Variants in KCNJ3 observed in about 807,000 individuals in gnomAD.
KCNJ3 encodes the protein G protein-activated inward rectifier potassium channel 1.
Under a neutral mutation model 39.2 loss-of-function variants are expected in KCNJ3, and 4 were observed. That is an observed-to-expected ratio of 0.10 (90% CI 0.05 to 0.23). The LOEUF is 0.23. Among genes scored for constraint, KCNJ3 ranks in the 10% least tolerant of loss-of-function variants. The pLI is 1.00. For missense variants in KCNJ3, 276 were observed against 634.9 expected (o/e 0.43, Z 6.08); for synonymous variants, 230 against 237.4 (o/e 0.97, Z 0.29).
intron 2 of KCNJ3, among the ~76,000 whole-genome samples, chr2:154,804,411 T>A (rs1686874752): frequency 6.6e-6 from 1 of 152,160 alleles, no homozygotes; most frequent in Non-Finnish European, 1.5e-5. Context: ...AGTCTCAAAC[T>A]TTTCTATTTT....
chr2:154,842,520 G>T (rs553365922), intron 2 of KCNJ3, among the ~76,000 whole-genome samples: 1 of 152,284 alleles, frequency 6.6e-6, no homozygotes, highest in East Asian at 1.9e-4. Flanking sequence ...TAGTTGATCT[G>T]TCTAATGTTG....
At chr2:154,782,320 C>T (rs1432977812) in intron 2 of KCNJ3, among the ~76,000 whole-genome samples, 4 of 152,022 alleles carry the variant, frequency 2.6e-5, no homozygotes, top group Admixed American at 6.6e-5. Flanking sequence ...GCCTATTTCA[C>T]GGGGTGTTGA....
rs28877634 is a variant in KCNJ3, at chr2:154,769,260, G to A, written c.919+59441G>A. Among the ~76,000 whole-genome samples the A allele has an allele frequency of 7.0e-3, 1,058 of 151,996 alleles. 6 individuals carry two copies. Among genetic ancestry groups the A allele is most frequent in the Middle Eastern group, 0.017 (5 of 292 alleles). ...TGGTGAGAGAGGGCATCCCTGTCTT[G>A]TGCCAGTTGTCAAAGGGAATGCTTC... On this transcript the variant is annotated intron_variant, in intron 2 of 2. Coordinates refer to ENST00000295101, the MANE Select transcript of KCNJ3 (RefSeq NM_002239.4).
At chr2:154,849,443 G>C (rs2652418) in intron 2 of KCNJ3, among the ~76,000 whole-genome samples, 146,716 of 152,210 alleles carry the variant, frequency 0.96, 70,728 homozygotes, top group East Asian at 1. Flanking sequence ...TTTTTTCTCT[G>C]TCTGGGTCTG....
At chr2:154,768,059 T>G (rs1249247419) in intron 2 of KCNJ3, among the ~76,000 whole-genome samples, 1 of 152,236 alleles carries the variant, frequency 6.6e-6, no homozygotes, top group Non-Finnish European at 1.5e-5. Flanking sequence ...TAAATTTGTT[T>G]AAGTTCTTTG....
At chr2:154,795,291 T>G (rs1293103472) in intron 2 of KCNJ3, among the ~76,000 whole-genome samples, 2 of 152,016 alleles carry the variant, frequency 1.3e-5, no homozygotes, top group Non-Finnish European at 2.9e-5. Context: ...CAATAAACAA[T>G]TTTGATTGAA....
At chr2:154,711,758 T>C (rs1415686385) in intron 2 of KCNJ3, among the ~76,000 whole-genome samples, 1 of 152,192 alleles carries the variant, frequency 6.6e-6, no homozygotes, top group Non-Finnish European at 1.5e-5. Context: ...GCAGGTTGTT[T>C]GTAAATTTTA....
At chr2:154,724,491 C>T (rs1167341233) in intron 2 of KCNJ3, among the ~76,000 whole-genome samples, 1 of 151,984 alleles carries the variant, frequency 6.6e-6, no homozygotes, top group Non-Finnish European at 1.5e-5. Context: ...CGAGAATTTT[C>T]TTTTGATGTG....
intron 2 of KCNJ3, among the ~76,000 whole-genome samples, chr2:154,766,367 A>C (rs923546702): frequency 6.6e-6 from 1 of 152,132 alleles, no homozygotes; most frequent in Non-Finnish European, 1.5e-5. Context: ...TGTGACCTGT[A>C]GAATATATGG....
chr2:154,742,395 G>C (rs1685669162), intron 2 of KCNJ3, among the ~76,000 whole-genome samples: 1 of 151,740 alleles, frequency 6.6e-6, no homozygotes, highest in Admixed American at 6.6e-5. Context: ...TGTATACTCA[G>C]AAGTAAAATT....
chr2:154,715,367 T>G (rs994422181), intron 2 of KCNJ3, among the ~76,000 whole-genome samples: 1 of 152,210 alleles, frequency 6.6e-6, no homozygotes, highest in Non-Finnish European at 1.5e-5. Context: ...GCCCTTCTTA[T>G]GGTACTGCTC....
intron 2 of KCNJ3, among the ~76,000 whole-genome samples, chr2:154,801,351 A>AT (rs756296694): frequency 1.3e-5 from 2 of 152,002 alleles, no homozygotes; most frequent in Non-Finnish European, 2.9e-5. Context: ...GTTTTAGTAA[A>AT]TTTTTTCTGT....
intron 2 of KCNJ3, among the ~76,000 whole-genome samples, chr2:154,839,708 G>C (rs1211880418): frequency 6.6e-6 from 1 of 152,118 alleles, no homozygotes; most frequent in African/African-American, 2.4e-5. Flanking sequence ...TTTTTCATAT[G>C]TTTGTTGGCC....
chr2:154,740,608 G>A (rs1214655012), intron 2 of KCNJ3, among the ~76,000 whole-genome samples: 4 of 151,754 alleles, frequency 2.6e-5, no homozygotes, highest in African/African-American at 9.7e-5. Context: ...GACACCCCTG[G>A]GTTTTATAAA....
At chr2:154,733,597 C>T (rs1019710948) in intron 2 of KCNJ3, among the ~76,000 whole-genome samples, 3 of 152,116 alleles carry the variant, frequency 2.0e-5, no homozygotes, top group Non-Finnish European at 4.4e-5. Flanking sequence ...AAAATTCCTT[C>T]TTGTCTTGAA....
At chr2:154,807,237 C>T (rs1050689095) in intron 2 of KCNJ3, among the ~76,000 whole-genome samples, 6 of 152,136 alleles carry the variant, frequency 3.9e-5, no homozygotes, top group African/African-American at 1.4e-4. Context: ...TTTCATTAAA[C>T]ATTTGAAGGG....
chr2:154,704,559 G>A (rs1684966162), intron 1 of KCNJ3, among the ~76,000 whole-genome samples: 1 of 152,060 alleles, frequency 6.6e-6, no homozygotes, highest in African/African-American at 2.4e-5. Flanking sequence ...TCCTTATTTT[G>A]GACTTGACAT....
chr2:154,725,317 A>G (rs181703398), intron 2 of KCNJ3, among the ~76,000 whole-genome samples: 4 of 150,294 alleles, frequency 2.7e-5, no homozygotes, highest in African/African-American at 9.8e-5. Context: ...TTCTTCACCA[A>G]CTACCCAGAT....
intron 2 of KCNJ3, among the ~76,000 whole-genome samples, chr2:154,743,093 G>C (rs896587532): frequency 1.9e-4 from 29 of 151,724 alleles, no homozygotes; most frequent in African/African-American, 7.0e-4. Context: ...TGGATATCAG[G>C]TTTTCTTAGC....
Sources: allele counts gnomAD v4.1 joint callset (sites outside exome capture counted in the v4.1 genomes callset), GRCh38; gene constraint gnomAD v4.1.1; transcripts MANE v1.5; gene names NCBI Gene and HGNC (gene_info 2026-07-23, HGNC 2026-07-21).